Variants in GARS1 observed in about 807,000 individuals in gnomAD.
The protein encoded by GARS1 is glycine--tRNA ligase.
Under a neutral mutation model 86.4 loss-of-function variants are expected in GARS1, and 46 were observed. The observed-to-expected ratio is 0.53, with a 90% CI of 0.42 to 0.68. GARS1 has a LOEUF of 0.68. GARS1 is among the 30% of genes least tolerant of loss of function. GARS1 has a pLI of 0.00. For missense variants in GARS1, 797 were observed against 915.6 expected (o/e 0.87, Z 1.67); for synonymous variants, 342 against 329.8 (o/e 1.04, Z -0.40).
At position 30,622,325 on chromosome 7, in the gene GARS1, C is replaced by G. The variant is rs776111612; in HGVS notation, c.1476C>G (p.Val492=). ...AEKPLKEPKT[V]NVVQFEPSKG... is the part of the protein sequence containing the mutation. ...CCTTGACTACTTCATACAAAACAGT[C>G]AATGTTGTTCAGTTTGAACCCAGTA... is the stretch of plus-strand genomic sequence containing the variant. The change falls in exon 12 of 17, where the codon GTC becomes GTG. Residue 492 remains valine, a synonymous_variant. Transcript: ENST00000389266. 2 of 1,613,988 alleles carry G rather than the reference C, an allele frequency of 1.2e-6. No individual in the cohort carries two copies. Among genetic ancestry groups the G allele is most frequent in the Non-Finnish European group, 1.7e-6 (2 of 1,179,988 alleles).
At position 30,599,981 on chromosome 7, in the gene GARS1, A is replaced by G. The variant is rs1791340103; in HGVS notation, c.359A>G (p.Asp120Gly). ...TTACAGCCCAAAGATGATATTGTAG[A>G]CCGAGCAAAAATGGAAGATACCCTG... ...LALQPKDDIV[D>G]RAKMEDTLKR... is the part of the protein sequence containing the mutation. The change falls in exon 3 of 17, where the codon GAC becomes GGC. Residue 120 changes from aspartate (D) to glycine (G), a missense_variant. Asp to Gly is a moderately conservative substitution (Grantham distance 94, BLOSUM62 -1). Coordinates refer to ENST00000389266, the MANE Select transcript of GARS1 (RefSeq NM_002047.4). The G allele has an allele frequency of 6.2e-7, 1 of 1,613,784 alleles. No homozygotes were observed. The highest frequency in any genetic ancestry group is 1.1e-5 in the South Asian group (1 of 91,084).
intron 3 of GARS1, 103 bp from the exon 4 acceptor site, chr7:30,600,956 A>T (rs1206583958): frequency 9.4e-6 from 10 of 1,063,122 alleles, no homozygotes; most frequent in African/African-American, 1.6e-5. Context: ...TGTTGACTTG[A>T]ATACACTTTT....
rs117699323 is a variant in GARS1 at position 30,606,589 on chromosome 7, A to G, written c.736-2996A>G. 6.6e-3 allele frequency among the ~76,000 whole-genome samples: 1,006 copies of G among 152,240 alleles called. 6 individuals are homozygous for G. Among genetic ancestry groups the G allele is most frequent in the Middle Eastern group, 0.031 (9 of 292 alleles). ...GTTGCAGTTATCTTATTGGTGGTTAAATTGTCCAGTCTTTGGTGACTAGGA... is the reference window on the plus strand; with the variant it reads ...GTTGCAGTTATCTTATTGGTGGTTAGATTGTCCAGTCTTTGGTGACTAGGA... On this transcript the variant is annotated intron_variant, in intron 6 of 16. Coordinates refer to ENST00000389266, the MANE Select transcript of GARS1 (RefSeq NM_002047.4).
chr7:30,608,997 C>T (rs1197211709), intron 6 of GARS1, among the ~76,000 whole-genome samples: 2 of 152,126 alleles, frequency 1.3e-5, no homozygotes, highest in Non-Finnish European at 2.9e-5. Context: ...AATTGGAGGG[C>T]ATACATCATT....
intron 10 of GARS1, 54 bp downstream of exon 10, chr7:30,617,332 A>C (rs1026154108): frequency 6.3e-7 from 1 of 1,580,144 alleles, no homozygotes; most frequent in Non-Finnish European, 8.7e-7. Flanking sequence ...TTAGAAGCAC[A>C]GGTACCAAAT....
chr7:30,608,375 A>G (rs1791523622), intron 6 of GARS1, among the ~76,000 whole-genome samples: 1 of 152,166 alleles, frequency 6.6e-6, no homozygotes, highest in African/African-American at 2.4e-5. Flanking sequence ...TGGGAAATAG[A>G]TGTTCCTCAG....
Position 30,595,090 on chromosome 7 carries a change from G to T in GARS1, c.169G>T (p.Gly57Cys), listed in dbSNP as rs1304818311. Residue 57 changes from glycine (G) to cysteine (C), a missense_variant, in exon 1 of 17, where the codon GGC becomes TGC. Transcript: ENST00000389266. ...PAAASRSSMD[G>C]AGAEEVLAPL... is the part of the protein sequence containing the mutation. Reference sequence around the variant, plus strand: ...CGCCGCCTCCCGGAGCAGCATGGACGGCGCGGGGGCTGAGGAGGTGCTGGC... The same window carrying T: ...CGCCGCCTCCCGGAGCAGCATGGACTGCGCGGGGGCTGAGGAGGTGCTGGC... 4.5e-6 allele frequency: 7 copies of T among 1,544,440 alleles called. No individual in the cohort carries two copies. The highest frequency in any genetic ancestry group is 4.1e-5 in the African/African-American group (3 of 73,682).
At position 30,631,607 on chromosome 7, in the gene GARS1, T is replaced by C. The variant is rs887351829; in HGVS notation, c.1903+66T>C. ...CAAGGAGACTGAATTTTAGGAAATG[T>C]ATCATTTATTTCAATAAAAATATAG... On this transcript the variant is annotated intron_variant, in intron 15 of 16. Transcript: ENST00000389266. 4.0e-6 allele frequency: 4 copies of C among 993,858 alleles called. No homozygotes were observed. The African/African-American group carries it at 6.4e-5, about 16-fold the overall frequency. The allele number at this position is 993,858 out of a possible 1,614,324, so 61.6% of individuals were successfully genotyped here. A position where few individuals can be genotyped will look rare whatever the true frequency, so the allele number is the denominator to read the frequency against.
chr7:30,621,377 G>A lies in GARS1; in HGVS notation c.1360-16G>A. On this transcript the variant is annotated splice_polypyrimidine_tract_variant and intron_variant, in intron 10 of 16. Transcript: ENST00000389266. ...ATAATAAGTAAGTAATGTTTTTATT[G>A]ATTATATCTTTTTAGGGTTGGATTG... 6.2e-7 allele frequency: 1 copy of A among 1,603,222 alleles called. No homozygotes were observed. Among genetic ancestry groups the A allele is most frequent in the Middle Eastern group, 1.7e-4 (1 of 6,046 alleles).
chr7:30,595,356 C>G (rs1791224719), intron 1 of GARS1, among the ~76,000 whole-genome samples: 1 of 152,224 alleles, frequency 6.6e-6, no homozygotes. Context: ...GTCCTCCTCT[C>G]TTTTTGGATG....
chr7:30,603,956 G>C (rs975565693), intron 6 of GARS1, among the ~76,000 whole-genome samples: 4 of 152,060 alleles, frequency 2.6e-5, no homozygotes, highest in African/African-American at 7.2e-5. Flanking sequence ...GCCTCTGCTT[G>C]GACCCTGATT....
rs150213018 is a variant in GARS1, at chr7:30,594,966, T to TCTG, written c.59_61dup (p.Leu20dup). 9.6e-5 allele frequency: 153 copies of TCTG among 1,593,314 alleles called. No homozygotes were observed. The highest frequency in any genetic ancestry group is 1.2e-4 in the Non-Finnish European group (137 of 1,176,444). On this transcript the variant is annotated inframe_insertion, in exon 1 of 17. Coordinates refer to ENST00000389266, the MANE Select transcript of GARS1 (RefSeq NM_002047.4). ...TGCTGCTTAGAGGTGCTCGCGCCGC[T>TCTG]CTGCTGCTGCTGCTGCCGCCCCGGC...
intron 12 of GARS1, 82 bp downstream of exon 12, chr7:30,622,544 C>T (rs1783035499): frequency 1.3e-6 from 2 of 1,558,518 alleles, no homozygotes; most frequent in South Asian, 2.2e-5. Flanking sequence ...AGATTAATTT[C>T]TTAAGATTTT....
intron 6 of GARS1, among the ~76,000 whole-genome samples, chr7:30,604,146 A>ATT (rs1321007905): frequency 5.9e-5 from 9 of 152,196 alleles, no homozygotes; most frequent in African/African-American, 2.2e-4. Flanking sequence ...AATTGCAGGA[A>ATT]TACTTTCTAT....
In GARS1 at chr7:30,628,549, C is replaced by G. The variant is rs965148390; in HGVS notation, c.1700-11C>G. 6.4e-7 allele frequency: 1 copy of G among 1,567,202 alleles called. No individual in the cohort carries two copies. The highest frequency in any genetic ancestry group is 1.7e-5 in the Admixed American group (1 of 59,898). On this transcript the variant is annotated splice_polypyrimidine_tract_variant and intron_variant, in intron 13 of 16. Coordinates refer to ENST00000389266, the MANE Select transcript of GARS1 (RefSeq NM_002047.4). Reference sequence around the variant, plus strand: ...TGAGAGAATGTTATTGAATTTCTATCTCTTTTTCAGTGGAAGAAGTTGTTC... The same window carrying G: ...TGAGAGAATGTTATTGAATTTCTATGTCTTTTTCAGTGGAAGAAGTTGTTC...
chr7:30,622,592 A>G (rs1217267269), intron 12 of GARS1, 130 bp downstream of exon 12: 2 of 1,092,648 alleles, frequency 1.8e-6, no homozygotes, highest in Non-Finnish European at 1.4e-6. Flanking sequence ...CATTTAAAAG[A>G]CTGTCTTTGC....
At chr7:30,607,269 G>A (rs2128133491) in intron 6 of GARS1, among the ~76,000 whole-genome samples, 1 of 152,054 alleles carries the variant, frequency 6.6e-6, no homozygotes, top group South Asian at 2.1e-4. Flanking sequence ...TAATCATATA[G>A]CACAATAGCA....
intron 11 of GARS1, chr7:30,621,997 AATAG>A: frequency 2.5e-6 from 1 of 398,472 alleles, no homozygotes; most frequent in Non-Finnish European, 4.7e-6. Flanking sequence ...AGTGACAGGA[AATAG>A]ATCTTGTTTT....
At chr7:30,623,905 A>T (rs1024515793) in intron 12 of GARS1, among the ~76,000 whole-genome samples, 2 of 152,230 alleles carry the variant, frequency 1.3e-5, no homozygotes, top group Non-Finnish European at 2.9e-5. Flanking sequence ...GCGGATCACA[A>T]TATAATGGAA....
Sources: allele counts gnomAD v4.1 joint callset (sites outside exome capture counted in the v4.1 genomes callset), GRCh38; gene constraint gnomAD v4.1.1; transcripts MANE v1.5; gene names NCBI Gene and HGNC (gene_info 2026-07-23, HGNC 2026-07-21).